Variants in PDIA2 observed in about 807,000 individuals in gnomAD.
PDIA2 encodes the protein protein disulfide isomerase family A member 2.
PDIA2 carries 76 observed loss-of-function variants against 51.1 expected under a neutral mutation model. That is an observed-to-expected ratio of 1.49 (90% CI 1.24 to 1.80). The LOEUF (loss-of-function observed/expected upper bound fraction) is 1.80, where lower values mean the gene tolerates loss of function less well. Among genes scored for constraint, PDIA2 ranks in the 40% most tolerant of loss-of-function variants. The pLI, the probability that PDIA2 is intolerant of heterozygous loss-of-function variation, is 0.00. For synonymous variants in PDIA2, 429 were observed against 309.9 expected (o/e 1.38, Z -4.04); for missense variants, 946 against 706.5 (o/e 1.34, Z -3.84).
At position 286,365 on chromosome 16, in the gene PDIA2, A is replaced by G. The variant is rs780580369; in HGVS notation, c.1132A>G (p.Ser378Gly). ...LNGQVKPYLLSQEIPPDWDQR... is the reference protein window; with the variant it reads ...LNGQVKPYLLGQEIPPDWDQR... ...TGGTTTCCCCCAGCCCTATCTCCTG[A>G]GCCAGGAGATACCCCCTGATTGGGA... Residue 378 changes from serine (S) to glycine (G), a missense_variant, in exon 8 of 11, where the codon AGC becomes GGC. Ser to Gly is a moderately conservative substitution (Grantham distance 56). Coordinates refer to ENST00000219406, the MANE Select transcript of PDIA2 (RefSeq NM_006849.4). The G allele has an allele frequency of 2.5e-6, 4 of 1,600,230 alleles. No individual in the cohort carries two copies. The highest frequency in any genetic ancestry group is 3.4e-6 in the Non-Finnish European group (4 of 1,175,706).
intron 1 of PDIA2, among the ~76,000 whole-genome samples, chr16:283,737 C>T (rs986684445): frequency 5.9e-5 from 9 of 152,238 alleles, no homozygotes; most frequent in Admixed American, 1.3e-4. Flanking sequence ...AGGTCCCTGA[C>T]GTGTGTGCCC....
intron 7 of PDIA2, among the ~76,000 whole-genome samples, chr16:286,028 C>CCCCAAA: frequency 9.4e-6 from 1 of 106,732 alleles, no homozygotes; most frequent in Non-Finnish European, 1.9e-5. Context: ...GGTTCTCCAA[C>CCCCAAA]CCCGCGGTTC....
rs754460211 is a variant in PDIA2 at position 284,878 on chromosome 16, G to A, written c.541G>A (p.Asp181Asn). The change falls in exon 4 of 11, where the codon GAC becomes AAC. Residue 181 changes from aspartate (D) to asparagine (N), a missense_variant and splice_region_variant. Coordinates refer to ENST00000219406, the MANE Select transcript of PDIA2 (RefSeq NM_006849.4). ...GGCCTCACAGGGCCAGGCCCCTCAG[G>A]ACCTGCAGGACGAGGACGTGGCCAC... Reference protein sequence around the residue: ...RDLVVIGFFQDLQDEDVATFL... With the variant: ...RDLVVIGFFQNLQDEDVATFL... 4.3e-6 allele frequency: 7 copies of A among 1,612,384 alleles called. No individual in the cohort carries two copies. The highest frequency in any genetic ancestry group is 5.9e-6 in the Non-Finnish European group (7 of 1,179,624).
chr16:286,181 C>A (rs1322416776), intron 7 of PDIA2, among the ~76,000 whole-genome samples, 172 bp from the exon 8 acceptor site: 1 of 34,916 alleles, frequency 2.9e-5, no homozygotes, highest in Admixed American at 2.1e-4. Flanking sequence ...GATCTCCCCC[C>A]CACCTGCCCC....
At position 285,920 on chromosome 16, in the gene PDIA2, G is replaced by GTTCTCCCAACCCCAACCCCGCA. The variant is rs2052356776; in HGVS notation, c.1119+217_1119+218insTTCTCCCAACCCCAACCCCGCA. On this transcript the variant is annotated intron_variant, in intron 7 of 10. Coordinates refer to ENST00000219406, the MANE Select transcript of PDIA2 (RefSeq NM_006849.4). Reference sequence around the variant, plus strand: ...GCGGTTCTCCCAACCCCAACCCCGCGGTTCTCCCAACCCCAACCCCAACCC... The same window carrying GTTCTCCCAACCCCAACCCCGCA: ...GCGGTTCTCCCAACCCCAACCCCGCGTTCTCCCAACCCCAACCCCGCAGTTCTCCCAACCCCAACCCCAACCC... Among the ~76,000 whole-genome samples the GTTCTCCCAACCCCAACCCCGCA allele has an allele frequency of 6.3e-5, 2 of 31,876 alleles. 1 individual carries two copies. Among genetic ancestry groups the GTTCTCCCAACCCCAACCCCGCA allele is most frequent in the African/African-American group, 3.5e-4 (2 of 5,722 alleles). 20.9% of individuals were successfully genotyped at this position (31,876 alleles called of 152,430 possible). A position where few individuals can be genotyped will look rare whatever the true frequency, so the allele number is the denominator to read the frequency against.
chr16:284,419 G>GCCC lies in PDIA2; in HGVS notation c.235_237dup (p.Pro79dup), dbSNP rs769802899. On this transcript the variant is annotated inframe_insertion, in exon 2 of 11. Coordinates refer to ENST00000219406, the MANE Select transcript of PDIA2 (RefSeq NM_006849.4). Reference sequence around the variant, plus strand: ...GTGGTGTGGGCACTGCCAGGCCCTGGCCCCCGAGTACAGCAAGGCAGCTGC... The same window carrying GCCC: ...GTGGTGTGGGCACTGCCAGGCCCTGGCCCCCCCCGAGTACAGCAAGGCAGCTGC... The GCCC allele has an allele frequency of 6.3e-7, 1 of 1,578,040 alleles. No homozygotes were observed. The highest frequency in any genetic ancestry group is 8.6e-7 in the Non-Finnish European group (1 of 1,166,058).
chr16:285,616 TAAG>T lies in PDIA2; in HGVS notation c.1036_1038del (p.Lys346del), dbSNP rs1198671847. The stretch of plus-strand genomic sequence containing the variant: ...TGCGCTTGGTCAACCTTGAAACCAC[TAAG>T]AAGTATGCGCCTGTGGATGGGGGCC... On this transcript the variant is annotated inframe_deletion, in exon 7 of 11. Transcript: ENST00000219406. The T allele has an allele frequency of 1.2e-5, 19 of 1,613,294 alleles. No homozygotes were observed. Among genetic ancestry groups the T allele is most frequent in the Admixed American group, 3.3e-5 (2 of 60,008 alleles).
At position 286,694 on chromosome 16, in the gene PDIA2, T is replaced by C. The variant is rs2052386687; in HGVS notation, c.1381T>C (p.Phe461Leu). The C allele has an allele frequency of 1.6e-5, 26 of 1,612,440 alleles. No homozygotes were observed. Among genetic ancestry groups the C allele is most frequent in the Non-Finnish European group, 2.2e-5 (26 of 1,179,954 alleles). Residue 461 changes from phenylalanine (F) to leucine (L), a missense_variant, in exon 9 of 11, where the codon TTC becomes CTC. Coordinates refer to ENST00000219406, the MANE Select transcript of PDIA2 (RefSeq NM_006849.4). ...NELDAFAVHG[F>L]PTLKYFPAGP... The stretch of plus-strand genomic sequence containing the variant: ...GCTGGATGCCTTCGCTGTGCACGGC[T>C]TCCCTACTCTCAAGTACTTCCCAGC...
In PDIA2 at chr16:284,724, C is replaced by T. The variant is rs1256247189; in HGVS notation, c.472C>T (p.Leu158=). ...GCGGGTGGGGCCCAGTGCCATGCGG[C>T]TGGAGGACGAGGCGGCCGCCCAGGC... is the stretch of plus-strand genomic sequence containing the variant. ...RRRVGPSAMR[L]EDEAAAQALI... The change falls in exon 3 of 11, where the codon CTG becomes TTG. Residue 158 remains leucine, a synonymous_variant. Transcript: ENST00000219406. 3.2e-6 allele frequency: 5 copies of T among 1,569,912 alleles called. No individual in the cohort carries two copies. Among genetic ancestry groups the T allele is most frequent in the South Asian group, 2.3e-5 (2 of 86,742 alleles).
intron 1 of PDIA2, among the ~76,000 whole-genome samples, chr16:283,904 G>A (rs575825632): frequency 1.5e-4 from 23 of 152,248 alleles, no homozygotes; most frequent in Non-Finnish European, 2.5e-4. Flanking sequence ...TGCTTTTGTC[G>A]CCCAGGCTGG....
At chr16:286,310 T>A in intron 7 of PDIA2, 43 bp from the exon 8 acceptor site, 5 of 1,125,896 alleles carry the variant, frequency 4.4e-6, no homozygotes, top group East Asian at 5.2e-5. Context: ...TCCTGAACCC[T>A]GCAGAGGACC....
rs200289772 is a variant in PDIA2, at chr16:285,149, G to A, written c.744G>A (p.Ser248=). The A allele has an allele frequency of 3.5e-5, 57 of 1,613,064 alleles. No homozygotes were observed. In the Middle Eastern group the frequency reaches 6.6e-4, roughly 19 times the overall value. The stretch of plus-strand genomic sequence containing the variant: ...TTGGCCTGGACCTGGGGGATCTGTC[G>A]CGCTTCCTGGTCACACACAGCATGC... ...EELGLDLGDL[S]RFLVTHSMRL... Residue 248 remains serine, a synonymous_variant, in exon 5 of 11, where the codon TCG becomes TCA. Transcript: ENST00000219406.
At position 286,722 on chromosome 16, in the gene PDIA2, G is replaced by A. The variant is rs2052387240; in HGVS notation, c.1409G>A (p.Gly470Glu). ...CCTACTCTCAAGTACTTCCCAGCAGGGCCAGGTCGGAAGGTATGGCGGACA... is the reference window on the plus strand; with the variant it reads ...CCTACTCTCAAGTACTTCCCAGCAGAGCCAGGTCGGAAGGTATGGCGGACA... ...GFPTLKYFPA[G>E]PGRKVIEYKS... The change falls in exon 9 of 11, where the codon GGG becomes GAG. Residue 470 changes from glycine to glutamate, a missense_variant. By Grantham distance (98) the Gly-to-Glu change is moderately conservative. Transcript: ENST00000219406. The A allele has an allele frequency of 1.9e-5, 30 of 1,612,868 alleles. 1 individual carries two copies. The highest frequency in any genetic ancestry group is 3.3e-5 in the South Asian group (3 of 91,082).
chr16:283,731 C>CTTTTCG (rs1284304642), intron 1 of PDIA2, among the ~76,000 whole-genome samples: 2 of 152,240 alleles, frequency 1.3e-5, no homozygotes, highest in Non-Finnish European at 2.9e-5. Context: ...CCATGGAGGT[C>CTTTTCG]CCTGACGTGT....
At position 284,593 on chromosome 16, in the gene PDIA2, G is replaced by A. The variant is rs532272495; in HGVS notation, c.406G>A (p.Gly136Arg). ...GNRTHPEEYT[G>R]PRDAEGIAEW... The stretch of plus-strand genomic sequence containing the variant: ...CCGCACGCACCCGGAGGAGTACACA[G>A]GTGAGGGGCAGGCCGGTCATTGGGG... Residue 136 changes from glycine to arginine, a missense_variant and splice_region_variant, in exon 2 of 11, where the codon GGA becomes AGA. Coordinates refer to ENST00000219406, the MANE Select transcript of PDIA2 (RefSeq NM_006849.4). The A allele has an allele frequency of 1.6e-5, 26 of 1,610,878 alleles. No homozygotes were observed. Among genetic ancestry groups the A allele is most frequent in the Non-Finnish European group, 1.9e-5 (22 of 1,179,564 alleles).
At position 285,396 on chromosome 16, in the gene PDIA2, C is replaced by T. The variant is rs1447634085; in HGVS notation, c.880C>T (p.Leu294=). 1 of 1,612,110 alleles carries T rather than the reference C, an allele frequency of 6.2e-7. No homozygotes were observed. The highest frequency in any genetic ancestry group is 8.5e-7 in the Non-Finnish European group (1 of 1,179,658). Residue 294 remains leucine (L), a synonymous_variant, in exon 6 of 11, where the codon CTA becomes TTA. Coordinates refer to ENST00000219406, the MANE Select transcript of PDIA2 (RefSeq NM_006849.4). ...NQTLAAHREL[L]AGFGEAAPRF... ...GACGCTGGCTGCGCACCGGGAGCTC[C>T]TAGCGGGCTTTGGGGAGGCAGCTCC...
intron 4 of PDIA2, 26 bp from the exon 5 acceptor site, chr16:285,058 C>T: frequency 6.2e-7 from 1 of 1,613,100 alleles, no homozygotes; most frequent in African/African-American, 1.3e-5. Flanking sequence ...GCTGCAGCGC[C>T]CGCTAACCCA....
rs138865380 is a variant in PDIA2, at chr16:286,827, C to CT, written c.1423-6dup. 3.2e-5 allele frequency: 52 copies of CT among 1,611,196 alleles called. No individual in the cohort carries two copies. The East Asian group carries it at 1.1e-3, about 35-fold the overall frequency. The stretch of plus-strand genomic sequence containing the variant: ...ACGTGTCCTCCAGATCCCCCTGCCT[C>CT]TTCTCAGGTGATTGAATACAAAAGC... On this transcript the variant is annotated splice_region_variant and splice_polypyrimidine_tract_variant and intron_variant, in intron 9 of 10. Coordinates refer to ENST00000219406, the MANE Select transcript of PDIA2 (RefSeq NM_006849.4).
chr16:284,835 C>T, intron 3 of PDIA2, 43 bp downstream of exon 3: 6 of 1,604,976 alleles, frequency 3.7e-6, no homozygotes, highest in Non-Finnish European at 5.1e-6. Flanking sequence ...AGGGCAGTGA[C>T]TGTGGGTGGG....
Sources: gnomAD v4.1 joint callset for allele counts (sites outside exome capture counted in the v4.1 genomes callset) on GRCh38, gnomAD v4.1.1 for gene constraint, MANE v1.5 for transcripts, NCBI Gene and HGNC (gene_info 2026-07-23, HGNC 2026-07-21) for gene names.